The following BLNK variants were observed in gnomAD, a reference collection of about 807,000 sequenced individuals.
BLNK encodes the protein B cell linker.
Under a neutral mutation model 73.5 loss-of-function variants are expected in BLNK, and 29 were observed. The ratio of observed to expected loss-of-function variants is 0.39; its 90% confidence interval spans 0.29 to 0.54. The LOEUF is 0.54. Ranked by LOEUF, BLNK falls within the 20% of genes least tolerant of loss-of-function variation. BLNK has a pLI of 0.61. For synonymous variants in BLNK, 176 were observed against 200.8 expected (o/e 0.88, Z 1.04); for missense variants, 460 against 562.8 (o/e 0.82, Z 1.85).
Position 96,190,249 on chromosome 10 carries a change from G to A in BLNK, c.*1724C>T. ...TGGCGGCACACACTTAGGTGGGAGAGAAAGCAGACGGAGATAAACGACCAC... is the reference window on the plus strand; with the variant it reads ...TGGCGGCACACACTTAGGTGGGAGAAAAAGCAGACGGAGATAAACGACCAC... On this transcript the variant is annotated 3_prime_UTR_variant, in exon 17 of 17. Coordinates refer to ENST00000224337, the MANE Select transcript of BLNK (RefSeq NM_013314.4). 1.4e-6 allele frequency: 1 copy of A among 733,250 alleles called. No individual in the cohort carries two copies. The highest frequency in any genetic ancestry group is 2.5e-6 in the Non-Finnish European group (1 of 399,286). The allele number at this position is 733,250 out of a possible 1,614,324, so 45.4% of individuals were successfully genotyped here. A position where few individuals can be genotyped will look rare whatever the true frequency, so the allele number is the denominator to read the frequency against.
intron 5 of BLNK, among the ~76,000 whole-genome samples, chr10:96,224,913 G>T (rs111920434): frequency 3.3e-5 from 5 of 151,994 alleles, no homozygotes; most frequent in Admixed American, 3.3e-4. Flanking sequence ...GGCCAGGCTG[G>T]TTTTGAACTC....
At chr10:96,214,929 A>G (rs1469437932) in intron 8 of BLNK, among the ~76,000 whole-genome samples, 2 of 152,180 alleles carry the variant, frequency 1.3e-5, no homozygotes, top group East Asian at 1.9e-4. Context: ...CCAAGGTGGC[A>G]TAGCTGGTAA....
At chr10:96,265,466 C>T (rs1589350661) in intron 1 of BLNK, among the ~76,000 whole-genome samples, 1 of 152,214 alleles carries the variant, frequency 6.6e-6, no homozygotes, top group African/African-American at 2.4e-5. Flanking sequence ...TTTTCCTGCT[C>T]TCACTTTTCT....
Position 96,271,423 on chromosome 10 carries a change from C to A in BLNK, c.-25G>T. 6.2e-7 allele frequency: 1 copy of A among 1,613,208 alleles called. No homozygotes were observed. Among genetic ancestry groups the A allele is most frequent in the Non-Finnish European group, 8.5e-7 (1 of 1,179,228 alleles). On this transcript the variant is annotated 5_prime_UTR_variant, in exon 1 of 17. Transcript: ENST00000224337. ...TTCTGTTTGGTAATTGTAAGAGACA[C>A]GAATAACTGTCCAGTGGTCACGTCA...
chr10:96,200,176 C>T lies in BLNK; in HGVS notation c.1012-18G>A, dbSNP rs370206675. ...CCAGCTTCCTGTGAAATGGAGGGCA[C>T]TGGTCAGCATGGGATGGTCCCTACT... On this transcript the variant is annotated intron_variant, in intron 14 of 16. Transcript: ENST00000224337. The surrounding 1 kb of genome is among the most constrained non-coding windows in gnomAD (Gnocchi z 4.3). The T allele has an allele frequency of 1.2e-6, 2 of 1,611,482 alleles. No homozygotes were observed. Among genetic ancestry groups the T allele is most frequent in the Non-Finnish European group, 1.7e-6 (2 of 1,177,898 alleles).
Position 96,189,642 on chromosome 10 carries a change from GC to G in BLNK, c.*2330del. The G allele has an allele frequency of 1.4e-6, 1 of 710,962 alleles. No homozygotes were observed. Among genetic ancestry groups the G allele is most frequent in the South Asian group, 1.4e-5 (1 of 73,348 alleles). The allele number at this position is 710,962 out of a possible 1,614,324, so 44.0% of individuals were successfully genotyped here. A position where few individuals can be genotyped will look rare whatever the true frequency, so the allele number is the denominator to read the frequency against. The stretch of plus-strand genomic sequence containing the variant: ...CTGATTTGACTTTTGTGCATTTTTG[GC>G]TGGAGTATGTAGATTTCTTCAATGG... On this transcript the variant is annotated 3_prime_UTR_variant, in exon 17 of 17. Coordinates refer to ENST00000224337, the MANE Select transcript of BLNK (RefSeq NM_013314.4).
intron 6 of BLNK, among the ~76,000 whole-genome samples, chr10:96,222,785 AGTGGAGGAGCAGAGAGAAAAGAAG>A (rs1384353922): frequency 5.6e-4 from 86 of 152,294 alleles, no homozygotes; most frequent in African/African-American, 2.0e-3. Context: ...AGAAGAGGGA[AGTGGAGGAGCAGAGAGAAAAGAAG>A]GTGGAGGAAA....
At chr10:96,255,327 T>C (rs1843464557) in intron 1 of BLNK, among the ~76,000 whole-genome samples, 1 of 152,182 alleles carries the variant, frequency 6.6e-6, no homozygotes, top group Non-Finnish European at 1.5e-5. Context: ...CAAAAACACT[T>C]TTCCAATAAT....
intron 6 of BLNK, among the ~76,000 whole-genome samples, chr10:96,221,030 C>T (rs1554901057): frequency 6.6e-6 from 1 of 152,192 alleles, no homozygotes; most frequent in Admixed American, 6.5e-5. Context: ...CTCATATAAG[C>T]ATTTAAAAGC....
rs370694114 is a variant in BLNK, at chr10:96,230,697, G to A, written c.204+97C>T. ...CTTTCCAAGTCTTCCCTCTTGGGAC[G>A]TGCGGCTGACCACCAGCATGTAATT... On this transcript the variant is annotated intron_variant, in intron 4 of 16. Transcript: ENST00000224337. 1.7e-4 allele frequency: 238 copies of A among 1,393,096 alleles called. No homozygotes were observed. The East Asian group carries it at 2.7e-3, about 16-fold the overall frequency. The allele number at this position is 1,393,096 out of a possible 1,614,324, so 86.3% of individuals were successfully genotyped here.
intron 1 of BLNK, among the ~76,000 whole-genome samples, chr10:96,259,063 C>G (rs1843636479): frequency 6.6e-6 from 1 of 152,170 alleles, no homozygotes; most frequent in East Asian, 1.9e-4. Flanking sequence ...GATTCCGGAG[C>G]CTATGCTCTC....
At chr10:96,224,014 TA>T (rs1564829435) in intron 5 of BLNK, 25 bp from the exon 6 acceptor site, 2 of 1,611,894 alleles carry the variant, frequency 1.2e-6, no homozygotes, top group South Asian at 2.2e-5. Flanking sequence ...ACAAAAAACA[TA>T]ACATAAAAGA....
At chr10:96,236,425 C>T (rs1453967213) in intron 3 of BLNK, among the ~76,000 whole-genome samples, 1 of 152,182 alleles carries the variant, frequency 6.6e-6, no homozygotes, top group Admixed American at 6.5e-5. Flanking sequence ...GCCAGTCCCA[C>T]CAGTGCCGCC....
chr10:96,227,567 C>G lies in BLNK; in HGVS notation c.205-1G>C. 1 of 1,614,030 alleles carries G rather than the reference C, an allele frequency of 6.2e-7. No individual in the cohort carries two copies. The highest frequency in any genetic ancestry group is 8.5e-7 in the Non-Finnish European group (1 of 1,180,052). ...CATCTGGATTTTCATAGTCGCTGTCCTGCAAGTGCAGATGCAGACACTGTG... is the reference window on the plus strand; with the variant it reads ...CATCTGGATTTTCATAGTCGCTGTCGTGCAAGTGCAGATGCAGACACTGTG... On this transcript the variant is annotated splice_acceptor_variant, in intron 4 of 16. Coordinates refer to ENST00000224337, the MANE Select transcript of BLNK (RefSeq NM_013314.4). LOFTEE classifies it high-confidence loss of function.
intron 6 of BLNK, among the ~76,000 whole-genome samples, chr10:96,222,986 G>GA (rs1298661711): frequency 1.3e-5 from 2 of 152,108 alleles, no homozygotes; most frequent in Admixed American, 1.3e-4. Context: ...CAGCGCCAGG[G>GA]AAAAGCAGTC....
chr10:96,215,031 C>G (rs2084032205), intron 8 of BLNK, among the ~76,000 whole-genome samples: 1 of 152,034 alleles, frequency 6.6e-6, no homozygotes. Flanking sequence ...GGGTTGAGGG[C>G]TGAGGGCTAA....
chr10:96,198,971 T>C (rs112433512), intron 15 of BLNK, among the ~76,000 whole-genome samples: 2 of 152,312 alleles, frequency 1.3e-5, no homozygotes, highest in African/African-American at 4.8e-5. Flanking sequence ...AGTGCTAGGA[T>C]TACAGGCATA....
chr10:96,198,536 T>C (rs587667500), intron 15 of BLNK, among the ~76,000 whole-genome samples: 15 of 152,348 alleles, frequency 9.8e-5, no homozygotes, highest in Middle Eastern at 3.4e-3. Context: ...TCAAATTACA[T>C]AGAAGGGCAA....
At chr10:96,238,912 A>G (rs1554905604) in intron 3 of BLNK, 1 of 386,290 alleles carries the variant, frequency 2.6e-6, no homozygotes, top group Non-Finnish European at 4.6e-6. Context: ...AGGGTTTCTT[A>G]AATATGATTT....
Sources: gnomAD v4.1 joint callset for allele counts (sites outside exome capture counted in the v4.1 genomes callset) on GRCh38, gnomAD v4.1.1 for gene constraint, Gnocchi (gnomAD v3.1) non-coding constraint, MANE v1.5 for transcripts, NCBI Gene and HGNC (gene_info 2026-07-23, HGNC 2026-07-21) for gene names.